Variants in FAM184B observed in about 807,000 individuals in gnomAD.
The protein encoded by FAM184B is protein FAM184B.
A neutral mutation model predicts 135.9 loss-of-function variants in FAM184B; 111 were observed. That is an observed-to-expected ratio of 0.82 (90% CI 0.70 to 0.96). The LOEUF is 0.96. FAM184B is among the 40% of genes least tolerant of loss of function. FAM184B has a pLI of 0.00. For synonymous variants in FAM184B, 552 were observed against 524.8 expected (o/e 1.05, Z -0.71); for missense variants, 1,375 against 1,323.9 (o/e 1.04, Z -0.60).
At chr4:17,691,702 A>G (rs1197000517) in intron 6 of FAM184B, among the ~76,000 whole-genome samples, 2 of 149,282 alleles carry the variant, frequency 1.3e-5, no homozygotes, top group South Asian at 2.1e-4. Flanking sequence ...AAAAAAAAAA[A>G]GAAAGGAAAA....
At chr4:17,685,975 C>G (rs575529122) in intron 7 of FAM184B, among the ~76,000 whole-genome samples, 7 of 152,310 alleles carry the variant, frequency 4.6e-5, no homozygotes, top group South Asian at 2.1e-4. Flanking sequence ...GCTCTACAAT[C>G]TTCCTGAACT....
At chr4:17,733,735 G>A (rs959705408) in intron 1 of FAM184B, among the ~76,000 whole-genome samples, 29 of 152,182 alleles carry the variant, frequency 1.9e-4, no homozygotes, top group African/African-American at 4.3e-4. Context: ...AATCAATATC[G>A]TGAAAATGGC....
rs543854729 is a variant in FAM184B at position 17,725,433 on chromosome 4, G to A, written c.142-15789C>T. Among the ~76,000 whole-genome samples, 39 of 152,212 alleles carry A rather than the reference G, an allele frequency of 2.6e-4. 1 individual carries two copies. The South Asian group carries it at 3.7e-3, about 15-fold the overall frequency. On this transcript the variant is annotated intron_variant, in intron 1 of 17. Transcript: ENST00000265018. ...TATTTTTCTCATCCCAGATACCAAT[G>A]TCAAAAAGTAATAGAAACTACTCTT...
intron 8 of FAM184B, among the ~76,000 whole-genome samples, chr4:17,661,243 A>G (rs1715911429): frequency 6.6e-6 from 1 of 152,186 alleles, no homozygotes; most frequent in Non-Finnish European, 1.5e-5. Context: ...GGCACATAGT[A>G]AGAATTACTT....
intron 5 of FAM184B, among the ~76,000 whole-genome samples, chr4:17,697,295 C>A (rs1211761383): frequency 6.6e-6 from 1 of 152,190 alleles, no homozygotes; most frequent in Non-Finnish European, 1.5e-5. Context: ...GATACTGCTG[C>A]TGATCACCTG....
At chr4:17,691,066 T>C (rs1375791250) in intron 6 of FAM184B, among the ~76,000 whole-genome samples, 1 of 152,124 alleles carries the variant, frequency 6.6e-6, no homozygotes, top group African/African-American at 2.4e-5. Flanking sequence ...TGCAACTGAA[T>C]GTAAACATTC....
intron 1 of FAM184B, among the ~76,000 whole-genome samples, chr4:17,730,147 C>T (rs1269250772): frequency 2.0e-5 from 3 of 151,974 alleles, no homozygotes; most frequent in Non-Finnish European, 4.4e-5. Context: ...ATGTGATCAA[C>T]TGGAAGAAAG....
chr4:17,632,851 C>G (rs1715002623), intron 17 of FAM184B: 2 of 403,692 alleles, frequency 5.0e-6, no homozygotes, highest in Non-Finnish European at 9.2e-6. Flanking sequence ...GTTTGGTTCT[C>G]CATTGTTCCT....
intron 16 of FAM184B, among the ~76,000 whole-genome samples, chr4:17,634,748 C>T (rs1244313348): frequency 3.9e-5 from 6 of 152,200 alleles, no homozygotes; most frequent in Non-Finnish European, 4.4e-5. Flanking sequence ...GATTCTTACT[C>T]TTCTCCCTCC....
At chr4:17,760,851 C>T (rs1345187154) in intron 1 of FAM184B, among the ~76,000 whole-genome samples, 4 of 152,176 alleles carry the variant, frequency 2.6e-5, no homozygotes, top group Non-Finnish European at 5.9e-5. Context: ...CAAGGCACTT[C>T]GGGATTTTCA....
Position 17,667,264 on chromosome 4 carries a change from C to T in FAM184B, c.1597-2605G>A, listed in dbSNP as rs141647831. On this transcript the variant is annotated intron_variant, in intron 7 of 17. Transcript: ENST00000265018. ...TGTAAGCCACAGCACCCACTCTTCC[C>T]CCACTTTACATCCCATGGAGAGAAG... 4.2e-3 allele frequency among the ~76,000 whole-genome samples: 647 copies of T among 152,254 alleles called. 1 individual carries two copies. Among genetic ancestry groups the T allele is most frequent in the Middle Eastern group, 0.027 (8 of 294 alleles).
intron 14 of FAM184B, among the ~76,000 whole-genome samples, chr4:17,637,967 A>G (rs1715194527): frequency 8.4e-6 from 1 of 118,696 alleles, no homozygotes. Context: ...CCCTTCACCC[A>G]GCTCCTCTCC....
At chr4:17,688,373 A>G in intron 7 of FAM184B, 51 bp downstream of exon 7, 1 of 1,396,384 alleles carries the variant, frequency 7.2e-7, no homozygotes, top group Non-Finnish European at 9.9e-7. Flanking sequence ...TGAAAGGCTG[A>G]GACCGAGAAA....
At position 17,654,648 on chromosome 4, in the gene FAM184B, A is replaced by G. The variant is rs150257706; in HGVS notation, c.2038-1665T>C. On this transcript the variant is annotated intron_variant, in intron 10 of 17. Coordinates refer to ENST00000265018, the MANE Select transcript of FAM184B (RefSeq NM_015688.2). ...CACTCATGCAGTGGGCATTTCACCAAATTTCCTCTGGGATTTCACCAAATG... is the reference window on the plus strand; with the variant it reads ...CACTCATGCAGTGGGCATTTCACCAGATTTCCTCTGGGATTTCACCAAATG... Among the ~76,000 whole-genome samples, 10 of 152,270 alleles carry G rather than the reference A, an allele frequency of 6.6e-5. No homozygotes were observed. The East Asian group carries it at 1.9e-3, about 30-fold the overall frequency.
At chr4:17,767,200 G>A (rs980538692) in intron 1 of FAM184B, among the ~76,000 whole-genome samples, 2 of 152,288 alleles carry the variant, frequency 1.3e-5, no homozygotes, top group East Asian at 3.9e-4. Flanking sequence ...TGCACACCTC[G>A]TGGCAAGCAG....
intron 7 of FAM184B, among the ~76,000 whole-genome samples, chr4:17,674,417 T>A (rs1439403080): frequency 6.6e-6 from 1 of 152,178 alleles, no homozygotes; most frequent in Non-Finnish European, 1.5e-5. Context: ...TAAAAAATGT[T>A]AACAATCACC....
chr4:17,740,169 T>A (rs542743581), intron 1 of FAM184B, among the ~76,000 whole-genome samples: 2 of 151,864 alleles, frequency 1.3e-5, no homozygotes, highest in South Asian at 4.2e-4. Context: ...CTGGCCAATA[T>A]AGCAAAGCCG....
At chr4:17,733,471 C>A (rs1299921562) in intron 1 of FAM184B, among the ~76,000 whole-genome samples, 3 of 152,176 alleles carry the variant, frequency 2.0e-5, no homozygotes, top group Non-Finnish European at 2.9e-5. Flanking sequence ...AGCTGATAAG[C>A]AACTTCAGCA....
chr4:17,772,098 T>C (rs968445817), intron 1 of FAM184B, among the ~76,000 whole-genome samples: 3 of 152,220 alleles, frequency 2.0e-5, no homozygotes, highest in Non-Finnish European at 4.4e-5. Context: ...ATTCATTTGC[T>C]CTCTAGATGT....
Sources: gnomAD v4.1 joint callset for allele counts (sites outside exome capture counted in the v4.1 genomes callset) on GRCh38, gnomAD v4.1.1 for gene constraint, MANE v1.5 for transcripts, NCBI Gene and HGNC (gene_info 2026-07-23, HGNC 2026-07-21) for gene names.